HARS1: variants seen among roughly 807,000 people sequenced by gnomAD.
HARS1 encodes histidyl-tRNA synthetase 1, also known as histidine--tRNA ligase, cytoplasmic.
A neutral mutation model predicts 63.6 loss-of-function variants in HARS1; 45 were observed. The observed-to-expected ratio is 0.71, with a 90% confidence interval of 0.56 to 0.91. HARS1 has a LOEUF of 0.91. HARS1 is among the 40% of genes least tolerant of loss of function. The pLI is 0.00. For synonymous variants in HARS1, 205 were observed against 247.1 expected, an observed-to-expected ratio of 0.83 and a Z score of 1.60; for missense variants, 508 against 643.2, an observed-to-expected ratio of 0.79 and a Z score of 2.27.
chr5:140,688,474 G>A lies in HARS1; in HGVS notation c.180+2381C>T, dbSNP rs545679198. ...TTCAGTATGAATCTCTAACTCATAC[G>A]GACATTTAAAAAACCCCAAAGACTC... On this transcript the variant is annotated intron_variant, in intron 2 of 12. Coordinates refer to ENST00000504156, the MANE Select transcript of HARS1 (RefSeq NM_002109.6). Among the ~76,000 whole-genome samples, 9 of 151,942 alleles carry A rather than the reference G, an allele frequency of 5.9e-5. No homozygotes were observed. In the East Asian group the frequency reaches 1.4e-3, roughly 23 times the overall value.
chr5:140,674,606 T>A (rs1758244053), intron 12 of HARS1, 73 bp downstream of exon 12: 1 of 1,528,696 alleles, frequency 6.5e-7, no homozygotes, highest in African/African-American at 1.4e-5. Flanking sequence ...TTTTCTCAGG[T>A]CTTGAATGGG....
intron 10 of HARS1, 31 bp from the exon 11 acceptor site, chr5:140,675,164 G>A: frequency 7.4e-7 from 1 of 1,356,032 alleles, no homozygotes; most frequent in South Asian, 1.2e-5. Context: ...AGAGAGCTGG[G>A]CTAACACCTT....
intron 8 of HARS1, 61 bp from the exon 9 acceptor site, chr5:140,677,177 C>A: frequency 6.3e-7 from 1 of 1,590,178 alleles, no homozygotes; most frequent in East Asian, 2.2e-5. Context: ...GGAGGGTTGA[C>A]CTTCTTGCCT....
intron 2 of HARS1, among the ~76,000 whole-genome samples, chr5:140,690,155 A>G (rs1358768035): frequency 2.0e-5 from 3 of 152,206 alleles, no homozygotes; most frequent in African/African-American, 7.2e-5. Flanking sequence ...ATGTAATTAC[A>G]TAACCACATG....
chr5:140,686,603 CTTTT>C (rs569351034), intron 2 of HARS1, among the ~76,000 whole-genome samples: 2 of 135,970 alleles, frequency 1.5e-5, no homozygotes, highest in African/African-American at 2.7e-5. Context: ...TTCTAAAATT[CTTTT>C]TTTTTTTTTT....
chr5:140,677,224 C>T (rs757128375), intron 8 of HARS1, 103 bp downstream of exon 8: 4 of 1,361,822 alleles, frequency 2.9e-6, no homozygotes, highest in Non-Finnish European at 4.2e-6. Flanking sequence ...TGTACATATG[C>T]ATAGACACAC....
At position 140,679,398 on chromosome 5, in the gene HARS1, A is replaced by C. The variant is rs987122712; in HGVS notation, c.397-271T>G. 3.5e-5 allele frequency: 15 copies of C among 422,980 alleles called. No homozygotes were observed. Among genetic ancestry groups the C allele is most frequent in the African/African-American group, 1.8e-4 (9 of 48,958 alleles). The allele number at this position is 422,980 out of a possible 1,614,324, so 26.2% of individuals were successfully genotyped here. On this transcript the variant is annotated intron_variant, in intron 4 of 12. Coordinates refer to ENST00000504156, the MANE Select transcript of HARS1 (RefSeq NM_002109.6). This position sits in a 1 kb window ranked among gnomAD's most constrained non-coding sequence, Gnocchi z 4.3. ...GGGCTGGGCAGGTTGGCCACAGACC[A>C]GAAAAAGGCGACCAGAAAAAGGCCC...
chr5:140,678,802 C>T, intron 5 of HARS1, 200 bp downstream of exon 5: 1 of 502,968 alleles, frequency 2.0e-6, no homozygotes, highest in Non-Finnish European at 3.5e-6. Context: ...CAAGACTGCA[C>T]CACTGCACTC....
chr5:140,686,090 C>T (rs532975880), intron 2 of HARS1, among the ~76,000 whole-genome samples: 3 of 150,120 alleles, frequency 2.0e-5, no homozygotes, highest in Admixed American at 6.7e-5. Flanking sequence ...CGTGCCACCA[C>T]GCCCGGCAAA....
chr5:140,680,242 G>A (rs999395493), intron 3 of HARS1, among the ~76,000 whole-genome samples: 1 of 151,876 alleles, frequency 6.6e-6, no homozygotes, highest in African/African-American at 2.4e-5. Flanking sequence ...TGACTCCGGG[G>A]TTCAAGAGAT....
At chr5:140,678,577 G>A (rs902669243) in intron 5 of HARS1, 2 of 166,090 alleles carry the variant, frequency 1.2e-5, no homozygotes, top group African/African-American at 2.4e-5. Flanking sequence ...GGGTGCGGTG[G>A]CTCACGCCTG....
intron 1 of HARS1, 43 bp from the exon 2 acceptor site, chr5:140,690,987 TCCTC>T: frequency 8.8e-7 from 1 of 1,137,506 alleles, no homozygotes; most frequent in Non-Finnish European, 1.3e-6. Flanking sequence ...TCTGTCACTC[TCCTC>T]CCTCCCCCGC....
intron 2 of HARS1, among the ~76,000 whole-genome samples, chr5:140,689,965 A>G (rs1759279795): frequency 1.3e-5 from 2 of 152,202 alleles, no homozygotes; most frequent in Admixed American, 1.3e-4. Flanking sequence ...GTTCTTTCCC[A>G]CTTTAGGGTT....
chr5:140,674,712 G>T lies in HARS1; in HGVS notation c.1425C>A (p.Val475=). 1 of 1,614,184 alleles carries T rather than the reference G, an allele frequency of 6.2e-7. No homozygotes were observed. The highest frequency in any genetic ancestry group is 1.1e-5 in the South Asian group (1 of 91,078). The change falls in exon 12 of 13, where the codon GTC becomes GTA. Residue 475 remains valine, a synonymous_variant. Coordinates refer to ENST00000504156, the MANE Select transcript of HARS1 (RefSeq NM_002109.6). ...IIGEQELKDG[V]IKLRSVTSRE... is the part of the protein sequence containing the mutation. ...TGCTCGTCACTGAACGGAGCTTGATGACCCCATCCTTGAGTTCCTGCTCGC... is the reference window on the plus strand; with the variant it reads ...TGCTCGTCACTGAACGGAGCTTGATTACCCCATCCTTGAGTTCCTGCTCGC...
intron 3 of HARS1, among the ~76,000 whole-genome samples, chr5:140,680,432 A>G (rs1758652766): frequency 6.6e-6 from 1 of 152,098 alleles, no homozygotes; most frequent in Non-Finnish European, 1.5e-5. Context: ...AGTGCGAGCC[A>G]CAGCGCCCGG....
rs565030532 is a variant in HARS1, at chr5:140,690,448, T to A, written c.180+407A>T. ...CCTGTGCAACAGAGGATACTCTGTT[T>A]AAAAAAAAAACAAAAAAATCTGTGT... On this transcript the variant is annotated intron_variant, in intron 2 of 12. Transcript: ENST00000504156. 3.5e-3 allele frequency among the ~76,000 whole-genome samples: 432 copies of A among 124,126 alleles called. 1 individual carries two copies. Among genetic ancestry groups the A allele is most frequent in the African/African-American group, 0.012 (410 of 35,458 alleles). The allele number at this position is 124,126 out of a possible 152,430, so 81.4% of individuals were successfully genotyped here. A position where few individuals can be genotyped will look rare whatever the true frequency, so the allele number is the denominator to read the frequency against.
intron 3 of HARS1, among the ~76,000 whole-genome samples, chr5:140,682,065 T>C (rs1470206009): frequency 6.6e-6 from 1 of 152,036 alleles, no homozygotes; most frequent in Non-Finnish European, 1.5e-5. Flanking sequence ...AGGAGTGGCA[T>C]TTTAGCTGAG....
chr5:140,683,206 T>G lies in HARS1; in HGVS notation c.194A>C (p.Tyr65Ser), dbSNP rs778888468. 1 of 1,613,918 alleles carries G rather than the reference T, an allele frequency of 6.2e-7. No individual in the cohort carries two copies. Among genetic ancestry groups the G allele is most frequent in the Non-Finnish European group, 8.5e-7 (1 of 1,179,758 alleles). The part of the protein sequence containing the change: ...VLKTPKGTRD[Y>S]SPRQMAVREK... Reference sequence around the variant, plus strand: ...GCGAACTGCCATCTGCCGGGGACTATAGTCTCTTGTGCCCTTGGAGTTGAA... The same window carrying G: ...GCGAACTGCCATCTGCCGGGGACTAGAGTCTCTTGTGCCCTTGGAGTTGAA... Residue 65 changes from tyrosine to serine, a missense_variant, in exon 3 of 13, where the codon TAT (tyrosine) becomes TCT (serine). Tyr to Ser is a moderately radical substitution (Grantham distance 144). Transcript: ENST00000504156.
rs149977222 is a variant in HARS1, at chr5:140,678,449, A to G, written c.523-434T>C. ...TCCTGACTTTGCCTTTCTTATCCCT[A>G]TGATCTCTTCATGGGCTGGGTATCA... On this transcript the variant is annotated intron_variant, in intron 5 of 12. Coordinates refer to ENST00000504156, the MANE Select transcript of HARS1 (RefSeq NM_002109.6). The G allele has an allele frequency of 9.8e-5, 18 of 184,162 alleles. No homozygotes were observed. In the East Asian group the frequency reaches 2.5e-3, roughly 26 times the overall value. 11.4% of individuals were successfully genotyped at this position (184,162 alleles called of 1,614,324 possible). A position where few individuals can be genotyped will look rare whatever the true frequency, so the allele number is the denominator to read the frequency against.
Sources: gnomAD v4.1 joint callset for allele counts (sites outside exome capture counted in the v4.1 genomes callset) on GRCh38, gnomAD v4.1.1 for gene constraint, Gnocchi (gnomAD v3.1) non-coding constraint, MANE v1.5 for transcripts, NCBI Gene and HGNC (gene_info 2026-07-23, HGNC 2026-07-21) for gene names.